The following VPS52 variants were observed in gnomAD, a reference collection of about 807,000 sequenced individuals.
The protein encoded by VPS52 is vacuolar protein sorting-associated protein 52 homolog.
In VPS52, 56 loss-of-function variants were observed where a neutral mutation model predicts 98.7. That is an observed-to-expected ratio of 0.57 (90% CI 0.46 to 0.71). VPS52 has a LOEUF of 0.71. Ranked by LOEUF, VPS52 falls within the 30% of genes least tolerant of loss-of-function variation. The probability of loss-of-function intolerance (pLI) is 0.00; values close to 1 mark genes in which losing one functional copy is unlikely to be tolerated. For missense variants in VPS52, 742 were observed against 925.9 expected, an observed-to-expected ratio of 0.80 and a Z score of 2.58; for synonymous variants, 348 against 346.4, an observed-to-expected ratio of 1.00 and a Z score of -0.05.
chr6:33,270,071 A>G lies in VPS52; in HGVS notation c.176-20T>C, dbSNP rs369912179. 4.2e-5 allele frequency: 67 copies of G among 1,614,212 alleles called. No homozygotes were observed. In the East Asian group the frequency reaches 6.0e-4, roughly 14 times the overall value. On this transcript the variant is annotated intron_variant, in intron 2 of 19. Transcript: ENST00000445902. The stretch of plus-strand genomic sequence containing the variant: ...TGTGAACTGGAAATAGAAGTTTATC[A>G]TAAGGGTCCAGCTCCACAGCTCCCT...
rs958577521 is a variant in VPS52 at position 33,250,833 on chromosome 6, C to G, written c.*8G>C. The G allele has an allele frequency of 6.2e-7, 1 of 1,608,654 alleles. No individual in the cohort carries two copies. The highest frequency in any genetic ancestry group is 8.5e-7 in the Non-Finnish European group (1 of 1,176,552). On this transcript the variant is annotated 3_prime_UTR_variant, in exon 20 of 20. Coordinates refer to ENST00000445902, the MANE Select transcript of VPS52 (RefSeq NM_022553.6). ...TGACCGGCAGATCTCAGGGCGGTTTCTGGCACATCAGAAGTTGGGCTTATG... is the reference window on the plus strand; with the variant it reads ...TGACCGGCAGATCTCAGGGCGGTTTGTGGCACATCAGAAGTTGGGCTTATG...
At position 33,266,671 on chromosome 6, in the gene VPS52, G is replaced by T. The variant is rs1430561395; in HGVS notation, c.1167C>A (p.Leu389=). 5 of 1,612,952 alleles carry T rather than the reference G, an allele frequency of 3.1e-6. No individual in the cohort carries two copies. The highest frequency in any genetic ancestry group is 4.2e-6 in the Non-Finnish European group (5 of 1,179,950). The change falls in exon 12 of 20, where the codon CTC becomes CTA. Residue 389 remains leucine (L), a synonymous_variant. Coordinates refer to ENST00000445902, the MANE Select transcript of VPS52 (RefSeq NM_022553.6). ...GGTATTCGCGGCAGGAATTGTCTAG[G>T]AGGGCGTAGTGCTGGCTGCGGAAGA... ...EALFRSQHYA[L]LDNSCREYLF...
At chr6:33,263,245 CAG>C (rs955165397) in intron 17 of VPS52, among the ~76,000 whole-genome samples, 1 of 117,538 alleles carries the variant, frequency 8.5e-6, no homozygotes, top group African/African-American at 3.5e-5. Context: ...GCCTGGGTGA[CAG>C]AGTGACACTT....
intron 3 of VPS52, 66 bp from the exon 4 acceptor site, chr6:33,269,885 G>A: frequency 6.3e-7 from 1 of 1,593,472 alleles, no homozygotes; most frequent in Admixed American, 1.7e-5. Context: ...AACAGAATCA[G>A]TGAAGGACTA....
Position 33,267,142 on chromosome 6 carries a change from C to G in VPS52, c.1125+46G>C. ...CTGAGGTCTGGCCTTCCCTCCCCAC[C>G]GTGCTCAGAGCCTCTTTCGTGACTG... is the stretch of plus-strand genomic sequence containing the variant. On this transcript the variant is annotated intron_variant, in intron 11 of 19. Transcript: ENST00000445902. The surrounding 1 kb of genome is among the most constrained non-coding windows in gnomAD (Gnocchi z 4.2). 6.9e-7 allele frequency: 1 copy of G among 1,454,604 alleles called. No individual in the cohort carries two copies. Among genetic ancestry groups the G allele is most frequent in the Non-Finnish European group, 9.1e-7 (1 of 1,101,610 alleles). 90.1% of individuals were successfully genotyped at this position (1,454,604 alleles called of 1,614,324 possible). A position where few individuals can be genotyped will look rare whatever the true frequency, so the allele number is the denominator to read the frequency against.
Position 33,270,257 on chromosome 6 carries a change from T to C in VPS52, c.117A>G (p.Pro39=). ...TGATATCCAACTCCCCAAGTTGCAG[T>C]GGTTCCTGGAGCCCAGGACCACCCG... The part of the protein sequence containing the change: ...PLAGGPGLQE[P]LQLGELDITS... Residue 39 remains proline, a synonymous_variant, in exon 2 of 20, where the codon CCA becomes CCG. Coordinates refer to ENST00000445902, the MANE Select transcript of VPS52 (RefSeq NM_022553.6). 6.2e-7 allele frequency: 1 copy of C among 1,613,374 alleles called. No homozygotes were observed. Among genetic ancestry groups the C allele is most frequent in the Non-Finnish European group, 8.5e-7 (1 of 1,179,356 alleles).
intron 1 of VPS52, chr6:33,271,188 T>C (rs1275813709): frequency 1.7e-6 from 1 of 576,714 alleles, no homozygotes; most frequent in Non-Finnish European, 3.1e-6. Flanking sequence ...AACGACGATG[T>C]ATACAATAGG....
rs749953122 is a variant in VPS52, at chr6:33,271,632, A to C, written c.44T>G (p.Val15Gly). ...CATATCTGAGGTCCCAGCCCGCAAC[A>C]CCAGTTCCCGGGCCGCAGCCGCCAT... ...ATMAAAARELVLRAGTSDMEE... is the reference protein window; with the variant it reads ...ATMAAAARELGLRAGTSDMEE... Residue 15 changes from valine to glycine, a missense_variant, in exon 1 of 20, where the codon GTG becomes GGG. Val to Gly is a moderately radical substitution (Grantham distance 109, BLOSUM62 -3). Around this residue, in one of 2 missense-constraint regions of VPS52, gnomAD observed 152 missense variants for 132.6 expected, o/e 1.15. Transcript: ENST00000445902. The C allele has an allele frequency of 1.9e-6, 3 of 1,611,062 alleles. No homozygotes were observed. The highest frequency in any genetic ancestry group is 1.7e-5 in the Admixed American group (1 of 59,878).
At chr6:33,264,207 T>G (rs1258296432) in intron 14 of VPS52, 104 bp from the exon 15 acceptor site, 27 of 1,542,054 alleles carry the variant, frequency 1.8e-5, no homozygotes, top group Non-Finnish European at 2.4e-5. Context: ...GACTCTACCT[T>G]CAGTCCCTCC....
chr6:33,251,825 C>A lies in VPS52; in HGVS notation c.1906+35G>T, dbSNP rs773229575. Reference sequence around the variant, plus strand: ...TCATTTTTCTTTTCCACTTCCCTTACCACTGATCCCATCATTACCATATTT... The same window carrying A: ...TCATTTTTCTTTTCCACTTCCCTTAACACTGATCCCATCATTACCATATTT... On this transcript the variant is annotated intron_variant, in intron 18 of 19. Coordinates refer to ENST00000445902, the MANE Select transcript of VPS52 (RefSeq NM_022553.6). 6.2e-6 allele frequency: 10 copies of A among 1,602,940 alleles called. No individual in the cohort carries two copies. The African/African-American group carries it at 1.2e-4, about 19-fold the overall frequency.
rs1309148905 is a variant in VPS52, at chr6:33,268,388, G to A, written c.699+111C>T. On this transcript the variant is annotated intron_variant, in intron 7 of 19. Transcript: ENST00000445902. This position sits in a 1 kb window ranked among gnomAD's most constrained non-coding sequence, Gnocchi z 4.0. ...GAATGGGGCTGCCCAGAAAAGGCAG[G>A]GTGAAGTCCCTGGAGACAGGCTACA... The A allele has an allele frequency of 3.5e-6, 5 of 1,431,888 alleles. No homozygotes were observed. Among genetic ancestry groups the A allele is most frequent in the Admixed American group, 4.3e-5 (2 of 46,736 alleles). 88.7% of individuals were successfully genotyped at this position (1,431,888 alleles called of 1,614,324 possible).
chr6:33,266,799 C>A (rs1484330340), intron 11 of VPS52, 87 bp from the exon 12 acceptor site: 6 of 1,502,324 alleles, frequency 4.0e-6, no homozygotes, highest in Non-Finnish European at 5.4e-6. Flanking sequence ...ATCAGTAAAC[C>A]TGAGTAATAA....
rs534515145 is a variant in VPS52 at position 33,260,686 on chromosome 6, T to C, written c.1794+2798A>G. On this transcript the variant is annotated intron_variant, in intron 17 of 19. Transcript: ENST00000445902. ...ATATATATGCCAAAACAAAAATTCG[T>C]TGTTTTCCAGTGTCATTAAAAACAG... is the stretch of plus-strand genomic sequence containing the variant. 3.4e-4 allele frequency among the ~76,000 whole-genome samples: 51 copies of C among 152,128 alleles called. 1 individual carries two copies. Among genetic ancestry groups the C allele is most frequent in the African/African-American group, 1.2e-3 (49 of 41,518 alleles).
intron 2 of VPS52, 66 bp from the exon 3 acceptor site, chr6:33,270,117 C>CA: frequency 6.2e-7 from 1 of 1,612,592 alleles, no homozygotes; most frequent in Non-Finnish European, 8.5e-7. Flanking sequence ...TGAGTATCTG[C>CA]ACACCAATCC....
Position 33,271,645 on chromosome 6 carries a change from C to T in VPS52, c.31G>A (p.Ala11Thr). The part of the protein sequence containing the change: MAAAATMAAA[A>T]RELVLRAGTS... The stretch of plus-strand genomic sequence containing the variant: ...CCAGCCCGCAACACCAGTTCCCGGG[C>T]CGCAGCCGCCATGGTCGCAGCGGCG... Residue 11 changes from alanine (A) to threonine (T), a missense_variant, in exon 1 of 20, where the codon GCC (alanine) becomes ACC (threonine). Transcript: ENST00000445902. The T allele has an allele frequency of 1.2e-6, 2 of 1,610,740 alleles. No individual in the cohort carries two copies. Among genetic ancestry groups the T allele is most frequent in the Non-Finnish European group, 1.7e-6 (2 of 1,178,200 alleles).
chr6:33,254,709 A>G (rs191727488), intron 17 of VPS52: 1 of 151,518 alleles, frequency 6.6e-6, no homozygotes, highest in African/African-American at 2.4e-5. Context: ...GTCTTGCTCC[A>G]TCACCCACGC....
In VPS52 at chr6:33,264,290, A is replaced by G. The variant is rs1764010456; in HGVS notation, c.1524+84T>C. On this transcript the variant is annotated intron_variant, in intron 14 of 19. Coordinates refer to ENST00000445902, the MANE Select transcript of VPS52 (RefSeq NM_022553.6). ...ACCTGCTCATAGCGTGGCCCATGAC[A>G]CAACTGTGACCTTGGCCAACCCCCA... is the stretch of plus-strand genomic sequence containing the variant. 2.5e-6 allele frequency: 4 copies of G among 1,585,282 alleles called. No homozygotes were observed. In the South Asian group the frequency reaches 4.7e-5, roughly 19 times the overall value.
chr6:33,251,676 T>G (rs781052856), intron 18 of VPS52, 40 bp from the exon 19 acceptor site: 1 of 1,537,380 alleles, frequency 6.5e-7, no homozygotes, highest in Admixed American at 1.7e-5. Flanking sequence ...GGGATCTGGC[T>G]GATCTTCAAC....
rs1274369906 is a variant in VPS52, at chr6:33,251,860, C to G, written c.1906G>C (p.Ala636Pro). The G allele has an allele frequency of 4.3e-6, 7 of 1,613,386 alleles. No homozygotes were observed. The highest frequency in any genetic ancestry group is 5.9e-6 in the Non-Finnish European group (7 of 1,180,016). Residue 636 changes from alanine (A) to proline (P), a missense_variant and splice_region_variant, in exon 18 of 20, where the codon GCC becomes CCC. Ala to Pro is a conservative substitution (Grantham distance 27, BLOSUM62 -1). This residue lies in a region of VPS52 where 590 missense variants were observed against 793.3 expected (regional missense o/e 0.74). Transcript: ENST00000445902. ...CATCATTACCATATTTTCCTCATACCTTCTTCCCCTCGAAGTCGCTCAGCC... is the reference window on the plus strand; with the variant it reads ...CATCATTACCATATTTTCCTCATACGTTCTTCCCCTCGAAGTCGCTCAGCC... ...GQAERLRGEE[A>P]RVTQLIRGFG...
Sources: allele counts gnomAD v4.1 joint callset (sites outside exome capture counted in the v4.1 genomes callset), GRCh38; gene constraint gnomAD v4.1.1; regional missense constraint gnomAD v4.1.1; non-coding constraint Gnocchi (gnomAD v3.1); transcripts MANE v1.5; gene names NCBI Gene and HGNC (gene_info 2026-07-23, HGNC 2026-07-21).